The following DACH2 variants were observed in gnomAD, a reference collection of about 807,000 sequenced individuals.
DACH2 encodes dachshund homolog 2.
In DACH2, 17 loss-of-function variants were observed where a neutral mutation model predicts 35.8. The ratio of observed to expected loss-of-function variants is 0.48; its 90% CI spans 0.33 to 0.71. The LOEUF (loss-of-function observed/expected upper bound fraction) is 0.71, where lower values mean the gene tolerates loss of function less well. Ranked by LOEUF, DACH2 falls within the 30% of genes least tolerant of loss-of-function variation. The pLI is 0.02. For synonymous variants in DACH2, 195 were observed against 177.3 expected, an observed-to-expected ratio of 1.10 and a Z score of -0.79; for missense variants, 469 against 472.7, an observed-to-expected ratio of 0.99 and a Z score of 0.07.
At position 86,727,541 on chromosome X, in the gene DACH2, G is replaced by A. The variant is rs530330637; in HGVS notation, c.1105-12206G>A. Reference sequence around the variant, plus strand: ...TTGAAATCTAATCCACAATGTTGGAGCCAGGGCCTGGTGGAAGGTGTTTGG... The same window carrying A: ...TTGAAATCTAATCCACAATGTTGGAACCAGGGCCTGGTGGAAGGTGTTTGG... On this transcript the variant is annotated intron_variant, in intron 6 of 11. Coordinates refer to ENST00000373125, the MANE Select transcript of DACH2 (RefSeq NM_053281.3). Among the ~76,000 whole-genome samples the A allele has an allele frequency of 1.7e-4, 19 of 111,100 alleles. No individual in the cohort carries two copies. In the South Asian group the frequency reaches 7.3e-3, roughly 43 times the overall value.
chrX:86,325,176 C>T (rs1047870981), intron 1 of DACH2, among the ~76,000 whole-genome samples: 2 of 111,225 alleles, frequency 1.8e-5, no homozygotes, highest in Non-Finnish European at 3.8e-5. Context: ...TCTCCAAACC[C>T]GTATTTCAGG....
chrX:86,399,938 A>T (rs1314913729), intron 2 of DACH2, among the ~76,000 whole-genome samples: 1 of 111,416 alleles, frequency 9.0e-6, no homozygotes, highest in Non-Finnish European at 1.9e-5. Context: ...GCCTTGCTAG[A>T]TTGGGGAAGT....
intron 7 of DACH2, among the ~76,000 whole-genome samples, chrX:86,771,864 C>T (rs193204713): frequency 1.5e-4 from 17 of 111,955 alleles, no homozygotes; most frequent in African/African-American, 5.2e-4. Context: ...AGAGTTTTTA[C>T]TTCAAGGAAA....
intron 3 of DACH2, among the ~76,000 whole-genome samples, chrX:86,631,977 T>A (rs1033907055): frequency 9.1e-6 from 1 of 110,127 alleles, no homozygotes; most frequent in African/African-American, 3.3e-5. Flanking sequence ...TTCAGAAAAC[T>A]ATCTAGTACA....
At chrX:86,611,394 C>T (rs966769117) in intron 3 of DACH2, among the ~76,000 whole-genome samples, 11 of 110,125 alleles carry the variant, frequency 1.0e-4, no homozygotes, top group Non-Finnish European at 1.9e-4. Flanking sequence ...AGAGGTGGCA[C>T]AATCCCTCCC....
chrX:86,356,786 T>A lies in DACH2; in HGVS notation c.489-20038T>A, dbSNP rs376435005. On this transcript the variant is annotated intron_variant, in intron 1 of 11. Transcript: ENST00000373125. ...GAGTTGAAAATATTTTTTCAAGCTG[T>A]CTTTTTACTTTCTTTTCTTGAATTT... Among the ~76,000 whole-genome samples, 36 of 112,012 alleles carry A rather than the reference T, an allele frequency of 3.2e-4. No homozygotes were observed. In the East Asian group the frequency reaches 3.6e-3, roughly 11 times the overall value.
rs148287504 is a variant in DACH2, at chrX:86,381,403, T to A, written c.527+4541T>A. 5.1e-3 allele frequency among the ~76,000 whole-genome samples: 563 copies of A among 111,337 alleles called. 5 individuals carry two copies. Among genetic ancestry groups the A allele is most frequent in the African/African-American group, 0.018 (547 of 30,876 alleles). ...TCATTATTCTTCATCTTAAAACATA[T>A]GTAATTAAGATAAGGATTAAAGATA... On this transcript the variant is annotated intron_variant, in intron 2 of 11. Coordinates refer to ENST00000373125, the MANE Select transcript of DACH2 (RefSeq NM_053281.3).
intron 7 of DACH2, among the ~76,000 whole-genome samples, chrX:86,782,045 C>T (rs1476233541): frequency 9.0e-6 from 1 of 111,559 alleles, no homozygotes; most frequent in Admixed American, 9.6e-5. Flanking sequence ...TAACAGTGAA[C>T]AATGTGAAAA....
intron 1 of DACH2, among the ~76,000 whole-genome samples, chrX:86,213,154 T>C (rs2032486342): frequency 9.0e-6 from 1 of 111,540 alleles, no homozygotes; most frequent in African/African-American, 3.2e-5. Flanking sequence ...TTAAATACTT[T>C]TAAAAAGTTG....
chrX:86,306,747 C>A (rs2034697223), intron 1 of DACH2, among the ~76,000 whole-genome samples: 1 of 111,506 alleles, frequency 9.0e-6, no homozygotes, highest in Non-Finnish European at 1.9e-5. Context: ...TATTGTGGGA[C>A]CTTGTGATTA....
chrX:86,213,706 C>T (rs1250893805), intron 1 of DACH2, among the ~76,000 whole-genome samples: 1 of 110,212 alleles, frequency 9.1e-6, no homozygotes, highest in Non-Finnish European at 1.9e-5. Context: ...ATATTCATTG[C>T]CAGGAAGAGT....
chrX:86,788,684 C>T (rs2042160923), intron 7 of DACH2, among the ~76,000 whole-genome samples: 1 of 111,848 alleles, frequency 8.9e-6, no homozygotes, highest in Non-Finnish European at 1.9e-5. Flanking sequence ...TTTCTCACAC[C>T]AATGGCTGAA....
At chrX:86,465,595 C>A (rs1285402304) in intron 2 of DACH2, among the ~76,000 whole-genome samples, 1 of 111,635 alleles carries the variant, frequency 9.0e-6, no homozygotes, top group South Asian at 3.7e-4. Context: ...CTACGTTGAG[C>A]CTTACTGGCT....
chrX:86,248,485 G>T (rs1177933297), intron 1 of DACH2, among the ~76,000 whole-genome samples: 3 of 110,939 alleles, frequency 2.7e-5, no homozygotes, highest in African/African-American at 9.8e-5. Flanking sequence ...ATACGCAAAT[G>T]AGGAAGGTTA....
At chrX:86,769,834 T>C (rs1243650697) in intron 7 of DACH2, among the ~76,000 whole-genome samples, 1 of 109,469 alleles carries the variant, frequency 9.1e-6, no homozygotes, top group African/African-American at 3.3e-5. Flanking sequence ...AACAGAAGCT[T>C]TGTGAGATTT....
At chrX:86,685,869 C>G (rs1377668182) in intron 4 of DACH2, among the ~76,000 whole-genome samples, 1 of 111,352 alleles carries the variant, frequency 9.0e-6, no homozygotes, top group African/African-American at 3.3e-5. Context: ...TAACACCTTC[C>G]ACCAGGCCCC....
chrX:86,693,514 C>G (rs1253938086), intron 4 of DACH2, among the ~76,000 whole-genome samples: 1 of 111,854 alleles, frequency 8.9e-6, no homozygotes, highest in Non-Finnish European at 1.9e-5. Flanking sequence ...TCTTCCTCTT[C>G]AGGACTGGAG....
intron 1 of DACH2, among the ~76,000 whole-genome samples, chrX:86,259,935 G>T (rs1295507830): frequency 9.0e-6 from 1 of 110,947 alleles, no homozygotes. Flanking sequence ...ACTGCAATAA[G>T]GAGATTTTCT....
chrX:86,323,598 G>C (rs2035057140), intron 1 of DACH2, among the ~76,000 whole-genome samples: 1 of 111,981 alleles, frequency 8.9e-6, no homozygotes, highest in African/African-American at 3.2e-5. Flanking sequence ...GGAAAGCTTG[G>C]AGATCCTATG....
Sources: allele counts gnomAD v4.1 joint callset (sites outside exome capture counted in the v4.1 genomes callset), GRCh38; gene constraint gnomAD v4.1.1; transcripts MANE v1.5; gene names NCBI Gene and HGNC (gene_info 2026-07-23, HGNC 2026-07-21).